The following CCDC57 variants were observed in gnomAD, a reference collection of about 807,000 sequenced individuals.
CCDC57 encodes coiled-coil domain-containing protein 57.
In CCDC57, 118 loss-of-function variants were observed where a neutral mutation model predicts 118.9. The ratio of observed to expected loss-of-function variants is 0.99; its 90% CI spans 0.86 to 1.16. CCDC57 has a LOEUF of 1.16. Among genes scored for constraint, CCDC57 ranks in the 50% most tolerant of loss-of-function variants. The pLI, the probability that CCDC57 is intolerant of heterozygous loss-of-function variation, is 0.00. For synonymous variants in CCDC57, 527 were observed against 532.9 expected, an observed-to-expected ratio of 0.99 and a Z score of 0.15; for missense variants, 1,300 against 1,320.7, an observed-to-expected ratio of 0.98 and a Z score of 0.24.
At chr17:82,187,074 T>C (rs1599292898) in intron 8 of CCDC57, among the ~76,000 whole-genome samples, 1 of 151,012 alleles carries the variant, frequency 6.6e-6, no homozygotes, top group Non-Finnish European at 1.5e-5. Flanking sequence ...CCGTCTCTAC[T>C]AAAATACAAA....
At chr17:82,111,109 G>A (rs2035211438) in intron 19 of CCDC57, among the ~76,000 whole-genome samples, 1 of 151,978 alleles carries the variant, frequency 6.6e-6, no homozygotes, top group Non-Finnish European at 1.5e-5. Context: ...TTTTTGTTTT[G>A]TTTTGGGACG....
At chr17:82,167,529 T>G (rs2044151954) in intron 13 of CCDC57, among the ~76,000 whole-genome samples, 1 of 152,086 alleles carries the variant, frequency 6.6e-6, no homozygotes, top group Non-Finnish European at 1.5e-5. Context: ...TTTTGTATTT[T>G]TAGTAGAAAT....
chr17:82,145,729 G>A (rs370080994), intron 16 of CCDC57: 8 of 401,316 alleles, frequency 2.0e-5, no homozygotes, highest in East Asian at 1.9e-4. Context: ...CACAGCACCT[G>A]CCTCCTGCTT....
chr17:82,186,688 T>C (rs2046965464), intron 8 of CCDC57, among the ~76,000 whole-genome samples: 1 of 152,128 alleles, frequency 6.6e-6, no homozygotes, highest in Admixed American at 6.5e-5. Flanking sequence ...ATGCCTATAA[T>C]CCCAGCACTT....
At chr17:82,168,387 A>C (rs953173192) in intron 13 of CCDC57, among the ~76,000 whole-genome samples, 1 of 152,136 alleles carries the variant, frequency 6.6e-6, no homozygotes, top group Non-Finnish European at 1.5e-5. Context: ...CTGAGGCCAG[A>C]AGTTCGAGAC....
chr17:82,161,174 A>G (rs1307449840), intron 14 of CCDC57, among the ~76,000 whole-genome samples: 1 of 152,222 alleles, frequency 6.6e-6, no homozygotes, highest in Non-Finnish European at 1.5e-5. Context: ...CACTCCCACC[A>G]GGATGCCTAG....
chr17:82,133,431 C>CAAAAA (rs71166189), intron 17 of CCDC57, among the ~76,000 whole-genome samples: 2 of 38,388 alleles, frequency 5.2e-5, no homozygotes, highest in African/African-American at 2.1e-4. Flanking sequence ...GGCCCTGTCT[C>CAAAAA]AAAAAAAAAA....
intron 17 of CCDC57, among the ~76,000 whole-genome samples, chr17:82,130,829 G>A (rs1476536509): frequency 6.7e-6 from 1 of 148,318 alleles, no homozygotes; most frequent in Non-Finnish European, 1.5e-5. Context: ...GGTGGGGGTG[G>A]GGGACGGAGT....
At chr17:82,148,312 GA>G (rs2041184459) in intron 16 of CCDC57, among the ~76,000 whole-genome samples, 1 of 129,446 alleles carries the variant, frequency 7.7e-6, no homozygotes, top group Non-Finnish European at 1.7e-5. Flanking sequence ...TGGGTGAATG[GA>G]TAAATGGGTG....
At chr17:82,189,953 T>C (rs553763719) in intron 7 of CCDC57, among the ~76,000 whole-genome samples, 124 of 151,968 alleles carry the variant, frequency 8.2e-4, no homozygotes, top group Non-Finnish European at 1.3e-3. Flanking sequence ...GAGGTTGCAG[T>C]GAGCCGAGAT....
intron 8 of CCDC57, 99 bp from the exon 8 acceptor site, chr17:82,184,031 G>GCGCGCGCGCACA: frequency 1.6e-3 from 205 of 131,872 alleles, no homozygotes; most frequent in Admixed American, 2.2e-3. Flanking sequence ...GCGCGCGCGC[G>GCGCGCGCGCACA]CACACACACA....
In CCDC57 at chr17:82,183,159, C is replaced by T. The variant is rs188596698; in HGVS notation, c.1211+615G>A. 4.6e-5 allele frequency among the ~76,000 whole-genome samples: 7 copies of T among 152,252 alleles called. No homozygotes were observed. The East Asian group carries it at 7.7e-4, about 17-fold the overall frequency. ...GAGCCAAATGATATCATACAGCATA[C>T]ACATTCATCAAAATTCATCAAGTGT... On this transcript the variant is annotated intron_variant, in intron 9 of 19. Coordinates refer to ENST00000665763, the Ensembl canonical transcript of CCDC57.
At chr17:82,150,853 A>T (rs1413353888) in intron 16 of CCDC57, among the ~76,000 whole-genome samples, 5 of 107,730 alleles carry the variant, frequency 4.6e-5, no homozygotes, top group African/African-American at 7.3e-5. Flanking sequence ...ACCCAGAACC[A>T]GGCGCACACC....
At chr17:82,205,628 A>G in intron 2 of CCDC57, among the ~76,000 whole-genome samples, 1 of 151,946 alleles carries the variant, frequency 6.6e-6, no homozygotes, top group East Asian at 1.9e-4. Context: ...AGGTCTCAGG[A>G]CTCAGCGGGT....
intron 19 of CCDC57, among the ~76,000 whole-genome samples, chr17:82,108,038 T>C (rs2034992430): frequency 6.6e-6 from 1 of 152,214 alleles, no homozygotes; most frequent in South Asian, 2.1e-4. Flanking sequence ...GGCTGGTCTC[T>C]ATCCCCATTC....
At chr17:82,208,717 G>T (rs2049955475) in intron 1 of CCDC57, among the ~76,000 whole-genome samples, 1 of 151,974 alleles carries the variant, frequency 6.6e-6, no homozygotes, top group Non-Finnish European at 1.5e-5. Context: ...TAAATTTCTT[G>T]TAGAGATGGG....
At position 82,138,553 on chromosome 17, in the gene CCDC57, G is replaced by A. The variant is rs1368272185; in HGVS notation, c.2456-4359C>T. Among the ~76,000 whole-genome samples the A allele has an allele frequency of 2.6e-5, 4 of 151,940 alleles. No homozygotes were observed. The South Asian group carries it at 8.3e-4, about 32-fold the overall frequency. On this transcript the variant is annotated intron_variant, in intron 16 of 19. Transcript: ENST00000665763. ...CAGAGGTCTCTATCGAAAAAAAAAA[G>A]TAAAAAGAAAAAAGATGTTAAGGAA...
chr17:82,180,760 C>G (rs1395251910), intron 9 of CCDC57, among the ~76,000 whole-genome samples: 1 of 152,228 alleles, frequency 6.6e-6, no homozygotes, highest in Non-Finnish European at 1.5e-5. Context: ...CAGGCGTGAG[C>G]CACTGGGCCC....
Position 82,188,207 on chromosome 17 carries a change from G to A in CCDC57, c.1052+12C>T, listed in dbSNP as rs764299780. The A allele has an allele frequency of 6.5e-7, 1 of 1,539,194 alleles. No homozygotes were observed. The highest frequency in any genetic ancestry group is 8.7e-7 in the Non-Finnish European group (1 of 1,143,210). On this transcript the variant is annotated intron_variant, in intron 8 of 19. Coordinates refer to ENST00000665763, the Ensembl canonical transcript of CCDC57. ...GCCCTCACCCTCTGGGTGGAGCCAA[G>A]CACACGCTCACTGGTCAATGGCAGC...
Sources: allele counts gnomAD v4.1 joint callset (sites outside exome capture counted in the v4.1 genomes callset), GRCh38; gene constraint gnomAD v4.1.1; transcripts MANE v1.5; gene names NCBI Gene and HGNC (gene_info 2026-07-23, HGNC 2026-07-21).